Variants in WNK1 observed in about 807,000 individuals in gnomAD.
WNK1 encodes the protein WNK lysine deficient protein kinase 1.
A neutral mutation model predicts 222.8 loss-of-function variants in WNK1; 38 were observed. The ratio of observed to expected loss-of-function variants is 0.17; its 90% CI spans 0.13 to 0.22. The LOEUF is 0.22. WNK1 is among the 10% of genes least tolerant of loss of function. WNK1 has a pLI of 1.00. For synonymous variants in WNK1, 1,090 were observed against 1,092.9 expected (o/e 1.00, Z 0.05); for missense variants, 2,348 against 2,918.4 (o/e 0.80, Z 4.50).
intron 4 of WNK1, among the ~76,000 whole-genome samples, chr12:853,275 TA>T (rs1950537762): frequency 1.3e-5 from 2 of 152,362 alleles, no homozygotes; most frequent in South Asian, 4.1e-4. Context: ...TTGGTTTTGC[TA>T]TATCTTAATA....
chr12:879,446 G>GTTTTTTTTTTTTTTTTTTTTTT, intron 10 of WNK1, 127 bp from the exon 11 acceptor site: 1 of 530,868 alleles, frequency 1.9e-6, no homozygotes, highest in Non-Finnish European at 2.9e-6. Context: ...TTGGTTTGGT[G>GTTTTTTTTTTTTTTTTTTTTTT]TTTTTTTTTT....
chr12:762,473 T>C (rs889043465), intron 1 of WNK1, among the ~76,000 whole-genome samples: 1 of 147,884 alleles, frequency 6.8e-6, no homozygotes, highest in Admixed American at 6.7e-5. Flanking sequence ...TGTTTTGTTA[T>C]TGTTTTTTCC....
chr12:812,296 G>GAC (rs374822115), intron 1 of WNK1, among the ~76,000 whole-genome samples: 2 of 151,912 alleles, frequency 1.3e-5, no homozygotes, highest in African/African-American at 4.8e-5. Flanking sequence ...GCTTATTAAG[G>GAC]ACACACACAC....
intron 1 of WNK1, among the ~76,000 whole-genome samples, chr12:780,609 G>C (rs1001271105): frequency 6.6e-6 from 1 of 152,192 alleles, no homozygotes; most frequent in South Asian, 2.1e-4. Context: ...AGTATTTGAG[G>C]AAACAGTTGC....
intron 10 of WNK1, 67 bp downstream of exon 10, chr12:878,428 C>G (rs1952820038): frequency 6.5e-7 from 1 of 1,527,034 alleles, no homozygotes; most frequent in African/African-American, 1.4e-5. Context: ...AAAGGGATTT[C>G]CATGTAACTT....
intron 24 of WNK1, among the ~76,000 whole-genome samples, chr12:897,271 G>A (rs926063308): frequency 2.0e-5 from 3 of 152,136 alleles, no homozygotes; most frequent in Non-Finnish European, 4.4e-5. Flanking sequence ...ACCATTTGTT[G>A]TTGGCTAGGA....
chr12:865,922 G>A (rs1951630322), intron 8 of WNK1, among the ~76,000 whole-genome samples: 1 of 151,978 alleles, frequency 6.6e-6, no homozygotes, highest in Non-Finnish European at 1.5e-5. Context: ...CCCCATGGAA[G>A]TATTTTTTCC....
chr12:800,247 G>GA (rs887790045), intron 1 of WNK1, among the ~76,000 whole-genome samples: 2 of 151,858 alleles, frequency 1.3e-5, no homozygotes, highest in African/African-American at 4.8e-5. Context: ...ACAAAATCCA[G>GA]AAAAAAACAT....
chr12:872,374 C>G (rs1952234639), intron 9 of WNK1, among the ~76,000 whole-genome samples: 1 of 152,146 alleles, frequency 6.6e-6, no homozygotes, highest in Admixed American at 6.5e-5. Context: ...GTCTTGAACT[C>G]CTGACCTCAA....
rs1202632803 is a variant in WNK1 at position 753,497 on chromosome 12, C to T, written c.-69C>T. The T allele has an allele frequency of 3.1e-6, 5 of 1,599,186 alleles. No individual in the cohort carries two copies. The highest frequency in any genetic ancestry group is 1.7e-5 in the Admixed American group (1 of 59,150). ...GGTTCCCTGCAGACCTCTGCGCGGG[C>T]GGCTCGGCCCTTCACGCCCTTTTCG... On this transcript the variant is annotated 5_prime_UTR_variant, in exon 1 of 28. Coordinates refer to ENST00000315939, the MANE Select transcript of WNK1 (RefSeq NM_018979.4). This position sits in a 1 kb window ranked among gnomAD's most constrained non-coding sequence, Gnocchi z 5.2.
At position 827,934 on chromosome 12, in the gene WNK1, A is replaced by G. The variant is rs1948486922; in HGVS notation, c.1153+672A>G. 6.6e-6 allele frequency among the ~76,000 whole-genome samples: 1 copy of G among 152,128 alleles called. No individual in the cohort carries two copies. Among genetic ancestry groups the G allele is most frequent in the African/African-American group, 2.4e-5 (1 of 41,430 alleles). On this transcript the variant is annotated intron_variant, in intron 3 of 27. Coordinates refer to ENST00000315939, the MANE Select transcript of WNK1 (RefSeq NM_018979.4). The surrounding 1 kb of genome is among the most constrained non-coding windows in gnomAD (Gnocchi z 4.6). Reference sequence around the variant, plus strand: ...AGAAATGGAATTTATATTTAGTTTTACTTTCTAAAATTAAAAGATAAAAAT... The same window carrying G: ...AGAAATGGAATTTATATTTAGTTTTGCTTTCTAAAATTAAAAGATAAAAAT...
intron 1 of WNK1, among the ~76,000 whole-genome samples, chr12:768,733 GTTAAC>G (rs1281809374): frequency 1.3e-5 from 2 of 152,080 alleles, no homozygotes; most frequent in African/African-American, 2.4e-5. Context: ...AATGAGTAAA[GTTAAC>G]TTCTTCAACA....
rs1939448370 is a variant in WNK1, at chr12:753,147, C to T, written c.-419C>T. On this transcript the variant is annotated 5_prime_UTR_variant, in exon 1 of 28. Coordinates refer to ENST00000315939, the MANE Select transcript of WNK1 (RefSeq NM_018979.4). This position sits in a 1 kb window ranked among gnomAD's most constrained non-coding sequence, Gnocchi z 5.2. ...CGCCCTCTGGGCCTAGCCCGCCCAG[C>T]TCGGCGAGCGGCGGCAGTGGGAGCC... 6.3e-6 allele frequency: 1 copy of T among 157,708 alleles called. No individual in the cohort carries two copies. The highest frequency in any genetic ancestry group is 1.4e-5 in the Non-Finnish European group (1 of 71,776). The allele number at this position is 157,708 out of a possible 1,614,324, so 9.8% of individuals were successfully genotyped here. A position where few individuals can be genotyped will look rare whatever the true frequency, so the allele number is the denominator to read the frequency against.
chr12:802,162 G>A (rs765167875), intron 1 of WNK1, among the ~76,000 whole-genome samples: 22 of 152,126 alleles, frequency 1.4e-4, no homozygotes, highest in Non-Finnish European at 2.6e-4. Context: ...GATATTTTAG[G>A]TTGTACGTGA....
chr12:823,887 A>G (rs1189789408), intron 2 of WNK1, among the ~76,000 whole-genome samples: 3 of 146,732 alleles, frequency 2.0e-5, no homozygotes, highest in Non-Finnish European at 4.5e-5. Flanking sequence ...AGTGCTTGAT[A>G]TATCAGAGAC....
At chr12:784,057 CA>C (rs369176579) in intron 1 of WNK1, among the ~76,000 whole-genome samples, 1,223 of 39,148 alleles carry the variant, frequency 0.031, 65 homozygotes, top group Non-Finnish European at 0.05. Flanking sequence ...CTGTCTCCAC[CA>C]AAAAAAAAAA....
intron 4 of WNK1, among the ~76,000 whole-genome samples, chr12:850,259 T>C (rs1950321639): frequency 6.6e-6 from 1 of 152,170 alleles, no homozygotes; most frequent in Non-Finnish European, 1.5e-5. Context: ...TGATCGCCAT[T>C]CTAACTGGTG....
chr12:894,849 C>T (rs533215701), intron 23 of WNK1, among the ~76,000 whole-genome samples: 3 of 152,234 alleles, frequency 2.0e-5, no homozygotes, highest in African/African-American at 4.8e-5. Flanking sequence ...GGTAGATAGT[C>T]GTACTATCTA....
chr12:859,632 G>GTGTGTGTGTGTGTGGT lies in WNK1; in HGVS notation c.1620+169_1620+170insGTGTGTGTGTGTGGTT, dbSNP rs369513114. Among the ~76,000 whole-genome samples the GTGTGTGTGTGTGTGGT allele has an allele frequency of 0.015, 1,867 of 122,622 alleles. 43 individuals are homozygous for GTGTGTGTGTGTGTGGT. The highest frequency in any genetic ancestry group is 0.04 in the African/African-American group (1,355 of 33,746). The allele number at this position is 122,622 out of a possible 152,430, so 80.4% of individuals were successfully genotyped here. A position where few individuals can be genotyped will look rare whatever the true frequency, so the allele number is the denominator to read the frequency against. ...ATTAGTGGGATTTTCGTGTGTGTGT[G>GTGTGTGTGTGTGTGGT]TTTTTTTTTTTTTTAAACTTCTTTG... On this transcript the variant is annotated intron_variant, in intron 6 of 27. Coordinates refer to ENST00000315939, the MANE Select transcript of WNK1 (RefSeq NM_018979.4).
Sources: allele counts gnomAD v4.1 joint callset (sites outside exome capture counted in the v4.1 genomes callset), GRCh38; gene constraint gnomAD v4.1.1; non-coding constraint Gnocchi (gnomAD v3.1); transcripts MANE v1.5; gene names NCBI Gene and HGNC (gene_info 2026-07-23, HGNC 2026-07-21).